Variants in ANPEP observed in about 807,000 individuals in gnomAD.
ANPEP encodes alanyl aminopeptidase, membrane.
In ANPEP, 70 loss-of-function variants were observed where a neutral mutation model predicts 114.6. That is an observed-to-expected ratio of 0.61 (90% CI 0.50 to 0.75). The LOEUF (loss-of-function observed/expected upper bound fraction) is 0.75, where lower values mean the gene tolerates loss of function less well. Among genes scored for constraint, ANPEP ranks in the 30% least tolerant of loss-of-function variants. The probability of loss-of-function intolerance (pLI) is 0.00; values close to 1 mark genes in which losing one functional copy is unlikely to be tolerated. For missense variants in ANPEP, 1,184 were observed against 1,259.5 expected (o/e 0.94, Z 0.91); for synonymous variants, 548 against 522.3 (o/e 1.05, Z -0.67).
Position 89,805,303 on chromosome 15 carries a change from C to T in ANPEP, c.757+18G>A, listed in dbSNP as rs762927095. The T allele has an allele frequency of 3.1e-6, 5 of 1,612,870 alleles. No homozygotes were observed. In the African/African-American group the frequency reaches 5.3e-5, roughly 17 times the overall value. On this transcript the variant is annotated intron_variant, in intron 3 of 20. Coordinates refer to ENST00000300060, the MANE Select transcript of ANPEP (RefSeq NM_001150.3). Reference sequence around the variant, plus strand: ...TGCCTGCCCCCTGGCCCTGTGGCCGCAGGCAGGGCCCACTCACCTTTGGGA... The same window carrying T: ...TGCCTGCCCCCTGGCCCTGTGGCCGTAGGCAGGGCCCACTCACCTTTGGGA...
At chr15:89,807,767 T>C (rs555934816) in intron 1 of ANPEP, among the ~76,000 whole-genome samples, 2 of 152,298 alleles carry the variant, frequency 1.3e-5, no homozygotes, top group Admixed American at 1.3e-4. Flanking sequence ...CTATCCTTGG[T>C]AGAAATGAAG....
Position 89,806,310 on chromosome 15 carries a change from A to AT in ANPEP, c.273_274insA (p.Tyr92IlefsTer6). ...AGGCCCCTGTCATTGGGGGTGAGGT[A>AT]CGGTCTCAGCGTCACCCGGTAGGAA... On this transcript the variant is annotated frameshift_variant, in exon 2 of 21. Transcript: ENST00000300060. LOFTEE classifies it high-confidence loss of function. This position sits in a 1 kb window ranked among gnomAD's most constrained non-coding sequence, Gnocchi z 5.7. The AT allele has an allele frequency of 6.2e-7, 1 of 1,614,142 alleles. No homozygotes were observed. The highest frequency in any genetic ancestry group is 8.5e-7 in the Non-Finnish European group (1 of 1,180,034).
chr15:89,795,282 A>G (rs1968707494), intron 15 of ANPEP, among the ~76,000 whole-genome samples: 1 of 152,226 alleles, frequency 6.6e-6, no homozygotes, highest in Non-Finnish European at 1.5e-5. Flanking sequence ...GGGGCAGAAT[A>G]AAAAGTCAAC....
chr15:89,808,964 T>C (rs139647586), intron 1 of ANPEP, among the ~76,000 whole-genome samples: 2 of 151,994 alleles, frequency 1.3e-5, no homozygotes, highest in African/African-American at 2.4e-5. Context: ...AGACTGAGGG[T>C]GTTCTGAGCC....
chr15:89,790,510 G>C lies in ANPEP; in HGVS notation c.2701C>G (p.Leu901Val). 1 of 1,614,074 alleles carries C rather than the reference G, an allele frequency of 6.2e-7. No individual in the cohort carries two copies. The highest frequency in any genetic ancestry group is 8.5e-7 in the Non-Finnish European group (1 of 1,179,976). ...AATCGTCGTGTCACTGCCTGGATGA[G>C]GTTGGAGAAGGAGAACGAGCCACCA... The part of the protein sequence containing the change: ...YGGGSFSFSN[L>V]IQAVTRRFST... Residue 901 changes from leucine to valine, a missense_variant, in exon 20 of 21, where the codon CTC (leucine) becomes GTC (valine). Coordinates refer to ENST00000300060, the MANE Select transcript of ANPEP (RefSeq NM_001150.3).
chr15:89,798,708 G>C (rs984922915), intron 14 of ANPEP, among the ~76,000 whole-genome samples: 1 of 151,088 alleles, frequency 6.6e-6, no homozygotes. Context: ...TTGGGAAGCC[G>C]AGGTGGGTGG....
At chr15:89,814,542 C>T (rs1482901367) in intron 1 of ANPEP, among the ~76,000 whole-genome samples, 1 of 152,212 alleles carries the variant, frequency 6.6e-6, no homozygotes, top group South Asian at 2.1e-4. Flanking sequence ...CCCTGCGAGG[C>T]CCGCTGGGGA....
intron 20 of ANPEP, among the ~76,000 whole-genome samples, chr15:89,789,493 C>A (rs1354237661): frequency 6.6e-6 from 1 of 152,016 alleles, no homozygotes; most frequent in Non-Finnish European, 1.5e-5. Flanking sequence ...CCCTTTATTG[C>A]TGGGCGCAGT....
Position 89,801,568 on chromosome 15 carries a change from G to C in ANPEP, c.1609C>G (p.Arg537Gly), listed in dbSNP as rs139863277. The C allele has an allele frequency of 3.1e-6, 5 of 1,614,104 alleles. No homozygotes were observed. The highest frequency in any genetic ancestry group is 2.2e-5 in the East Asian group (1 of 44,888). The change falls in exon 11 of 21, where the codon CGG becomes GGG. Residue 537 changes from arginine (R) to glycine (G), a missense_variant. Arg to Gly is a moderately radical substitution (Grantham distance 125, BLOSUM62 -2). Coordinates refer to ENST00000300060, the MANE Select transcript of ANPEP (RefSeq NM_001150.3). The part of the protein sequence containing the change: ...NRSIQLPTTV[R>G]DIMNRWTLQM... The stretch of plus-strand genomic sequence containing the variant: ...AGGGTCCAGCGGTTCATGATGTCCC[G>C]CACGGTGGTGGGGAGTTGGATGGAC...
In ANPEP at chr15:89,799,250, G is replaced by A. The variant is rs1229715786; in HGVS notation, c.2009+10C>T. 8.7e-6 allele frequency: 14 copies of A among 1,614,114 alleles called. No individual in the cohort carries two copies. Among genetic ancestry groups the A allele is most frequent in the Non-Finnish European group, 1.2e-5 (14 of 1,180,004 alleles). ...GCTTCTGCAGCTGAGCCAGGCAGCGGAGCACTCACCTGGCCAGGTTGAAGG... is the reference window on the plus strand; with the variant it reads ...GCTTCTGCAGCTGAGCCAGGCAGCGAAGCACTCACCTGGCCAGGTTGAAGG... On this transcript the variant is annotated intron_variant, in intron 14 of 20. Coordinates refer to ENST00000300060, the MANE Select transcript of ANPEP (RefSeq NM_001150.3). This position sits in a 1 kb window ranked among gnomAD's most constrained non-coding sequence, Gnocchi z 4.2.
In ANPEP at chr15:89,790,220, T is replaced by C. The variant is rs574449570; in HGVS notation, c.2751+240A>G. 7.2e-5 allele frequency among the ~76,000 whole-genome samples: 11 copies of C among 152,290 alleles called. No homozygotes were observed. The South Asian group carries it at 8.3e-4, about 11-fold the overall frequency. On this transcript the variant is annotated intron_variant, in intron 20 of 20. Transcript: ENST00000300060. Reference sequence around the variant, plus strand: ...ATAATTGTTGAACCTGGGTAACGGGTACATGGAGGTTCATTATACCACTCT... The same window carrying C: ...ATAATTGTTGAACCTGGGTAACGGGCACATGGAGGTTCATTATACCACTCT...
intron 15 of ANPEP, among the ~76,000 whole-genome samples, chr15:89,795,602 G>T (rs1300129938): frequency 6.6e-6 from 1 of 152,172 alleles, no homozygotes; most frequent in Non-Finnish European, 1.5e-5. Flanking sequence ...TCAGCAACAT[G>T]GCAAGCCTGA....
Position 89,806,463 on chromosome 15 carries a change from C to A in ANPEP, c.121G>T (p.Ala41Ser). The change falls in exon 2 of 21, where the codon GCC becomes TCC. Residue 41 changes from alanine (A) to serine (S), a missense_variant. Transcript: ENST00000300060. This position sits in a 1 kb window ranked among gnomAD's most constrained non-coding sequence, Gnocchi z 5.7. ...GTGGAGGCCACGGGGGAGCTGTTGG[C>A]GTTCTTGTTCTTCTCCTGGGAGTAC... ...VVYSQEKNKN[A>S]NSSPVASTTP... 1 of 1,614,046 alleles carries A rather than the reference C, an allele frequency of 6.2e-7. No homozygotes were observed. Among genetic ancestry groups the A allele is most frequent in the Non-Finnish European group, 8.5e-7 (1 of 1,179,970 alleles).
At chr15:89,797,350 AGTGCCTGCTCACTCACCTCC>A (rs1828590535) in intron 15 of ANPEP, 1 of 531,694 alleles carries the variant, frequency 1.9e-6, no homozygotes, top group Non-Finnish European at 3.1e-6. Context: ...TCACCTCCTC[AGTGCCTGCTCACTCACCTCC>A]ATGTCCCTCC....
chr15:89,810,203 CCTCGT>C (rs1894792800), intron 1 of ANPEP, among the ~76,000 whole-genome samples: 1 of 152,074 alleles, frequency 6.6e-6, no homozygotes, highest in Non-Finnish European at 1.5e-5. Flanking sequence ...CATGGTGAAA[CCTCGT>C]CTCTAATAAA....
chr15:89,792,365 C>T (rs184432713), intron 17 of ANPEP, 38 bp from the exon 18 acceptor site: 108 of 1,597,668 alleles, frequency 6.8e-5, no homozygotes, highest in East Asian at 2.5e-4. Context: ...GGAACAGCAG[C>T]GGGGAGGGTG....
rs985665789 is a variant in ANPEP at position 89,797,817 on chromosome 15, C to T, written c.2010-95G>A. 4.6e-6 allele frequency: 7 copies of T among 1,515,864 alleles called. No homozygotes were observed. In the African/African-American group the frequency reaches 5.6e-5, roughly 12 times the overall value. The allele number at this position is 1,515,864 out of a possible 1,614,324, so 93.9% of individuals were successfully genotyped here. ...CCAGGCCCTCAAAGATGCTCCACAC[C>T]CCTAGGCCCCCTGTATCCACTCCTG... is the stretch of plus-strand genomic sequence containing the variant. On this transcript the variant is annotated intron_variant, in intron 14 of 20. Transcript: ENST00000300060.
intron 20 of ANPEP, 142 bp downstream of exon 20, chr15:89,790,318 C>G: frequency 1.5e-6 from 1 of 651,724 alleles, no homozygotes. Flanking sequence ...CAAAGTCTGG[C>G]TACTCGGCTT....
At chr15:89,789,673 T>C (rs1042836804) in intron 20 of ANPEP, among the ~76,000 whole-genome samples, 27 of 149,330 alleles carry the variant, frequency 1.8e-4, no homozygotes, top group Non-Finnish European at 3.0e-4. Flanking sequence ...CTCGGGAAGC[T>C]GAGGCAGGAG....
Sources: gnomAD v4.1 joint callset for allele counts (sites outside exome capture counted in the v4.1 genomes callset) on GRCh38, gnomAD v4.1.1 for gene constraint, Gnocchi (gnomAD v3.1) non-coding constraint, MANE v1.5 for transcripts, NCBI Gene and HGNC (gene_info 2026-07-23, HGNC 2026-07-21) for gene names.